DOCK6: variants seen among roughly 807,000 people sequenced by gnomAD.
DOCK6 encodes the protein dedicator of cytokinesis protein 6.
In DOCK6, 167 loss-of-function variants were observed where a neutral mutation model predicts 230.3. That is an observed-to-expected ratio of 0.73 (90% CI 0.64 to 0.82). The LOEUF (loss-of-function observed/expected upper bound fraction) is 0.82, where lower values mean the gene tolerates loss of function less well. Ranked by LOEUF, DOCK6 falls within the 40% of genes least tolerant of loss-of-function variation. DOCK6 has a pLI of 0.00. For synonymous variants in DOCK6, 1,148 were observed against 1,185.0 expected, an observed-to-expected ratio of 0.97 and a Z score of 0.64; for missense variants, 2,598 against 2,825.8, an observed-to-expected ratio of 0.92 and a Z score of 1.83.
intron 7 of DOCK6, among the ~76,000 whole-genome samples, chr19:11,246,793 G>C (rs911800823): frequency 6.6e-6 from 1 of 152,058 alleles, no homozygotes; most frequent in South Asian, 2.1e-4. Context: ...CACCTGAACG[G>C]CCACCATAAA....
At chr19:11,234,001 A>ATT (rs111453191) in intron 21 of DOCK6, among the ~76,000 whole-genome samples, 1 of 144,950 alleles carries the variant, frequency 6.9e-6, no homozygotes, top group African/African-American at 2.5e-5. Flanking sequence ...TGCTCAGCTA[A>ATT]TTTTTTTTTT....
intron 34 of DOCK6, 33 bp from the exon 35 acceptor site, chr19:11,213,361 GC>G: frequency 6.3e-7 from 1 of 1,595,326 alleles, no homozygotes. Flanking sequence ...ACACTGTCCA[GC>G]CCCTCCCCGT....
chr19:11,210,353 T>A (rs1280237016), intron 37 of DOCK6, among the ~76,000 whole-genome samples: 2 of 149,466 alleles, frequency 1.3e-5, no homozygotes, highest in African/African-American at 5.0e-5. Flanking sequence ...TCCTTATCTG[T>A]CCACCTCCTC....
chr19:11,245,881 A>G lies in DOCK6; in HGVS notation c.807-3T>C, dbSNP rs2147859462. The G allele has an allele frequency of 1.3e-6, 2 of 1,559,352 alleles. No individual in the cohort carries two copies. Among genetic ancestry groups the G allele is most frequent in the East Asian group, 4.8e-5 (2 of 41,650 alleles). On this transcript the variant is annotated splice_polypyrimidine_tract_variant and splice_region_variant and intron_variant, in intron 7 of 47. Transcript: ENST00000294618. ...TGGGCTCAATTTCAATCTCGAACCT[A>G]CAAGTAAATGGGAGGGAGGGGGCTC...
rs1599280620 is a variant in DOCK6, at chr19:11,248,215, G to A, written c.721-64C>T. On this transcript the variant is annotated intron_variant, in intron 6 of 47. Transcript: ENST00000294618. ...TGGGACATCCTCCAGGAAGGGTCTG[G>A]AATGCCCAGCCTCAGACCAGCTCTA... 4 of 1,330,696 alleles carry A rather than the reference G, an allele frequency of 3.0e-6. No individual in the cohort carries two copies. In the East Asian group the frequency reaches 9.8e-5, roughly 33 times the overall value. The allele number at this position is 1,330,696 out of a possible 1,614,324, so 82.4% of individuals were successfully genotyped here.
chr19:11,209,886 C>G (rs527633225), intron 37 of DOCK6, among the ~76,000 whole-genome samples: 3 of 97,088 alleles, frequency 3.1e-5, no homozygotes, highest in African/African-American at 1.2e-4. Context: ...CACCTGTCCA[C>G]CCCCTCACCT....
chr19:11,216,882 T>C (rs2079496812), intron 30 of DOCK6, 32 bp downstream of exon 30: 1 of 1,609,310 alleles, frequency 6.2e-7, no homozygotes, highest in African/African-American at 1.3e-5. Flanking sequence ...TTAGCCTGCC[T>C]CCTCCATCAT....
At chr19:11,214,845 A>G (rs1490560419) in intron 32 of DOCK6, among the ~76,000 whole-genome samples, 196 bp from the exon 33 acceptor site, 1 of 150,936 alleles carries the variant, frequency 6.6e-6, no homozygotes, top group African/African-American at 2.4e-5. Context: ...TGTGATCACC[A>G]GCTCACTGCA....
chr19:11,233,837 CTTT>C (rs34494692), intron 21 of DOCK6, among the ~76,000 whole-genome samples: 100 of 144,548 alleles, frequency 6.9e-4, no homozygotes, highest in Non-Finnish European at 1.0e-3. Flanking sequence ...AAGATCCTGA[CTTT>C]TTTTTTTTTT....
intron 32 of DOCK6, among the ~76,000 whole-genome samples, 152 bp downstream of exon 32, chr19:11,215,235 G>A (rs901774173): frequency 2.6e-5 from 4 of 151,936 alleles, no homozygotes; most frequent in African/African-American, 7.3e-5. Context: ...GAGCCACTGC[G>A]CCCGGCCCAT....
chr19:11,200,169 A>C lies in DOCK6; in HGVS notation c.6101+139T>G, dbSNP rs939536121. On this transcript the variant is annotated intron_variant, in intron 47 of 47. Transcript: ENST00000294618. This position sits in a 1 kb window ranked among gnomAD's most constrained non-coding sequence, Gnocchi z 4.3. The stretch of plus-strand genomic sequence containing the variant: ...CTCTCAAAAAAAAAAACAAAAAAAA[A>C]ACCGGAAACAAAACAAAGTCCAAGC... 16 of 939,132 alleles carry C rather than the reference A, an allele frequency of 1.7e-5. No individual in the cohort carries two copies. Among genetic ancestry groups the C allele is most frequent in the Non-Finnish European group, 2.0e-5 (13 of 657,418 alleles). The allele number at this position is 939,132 out of a possible 1,614,324, so 58.2% of individuals were successfully genotyped here. A position where few individuals can be genotyped will look rare whatever the true frequency, so the allele number is the denominator to read the frequency against.
At chr19:11,252,362 CA>C in intron 4 of DOCK6, 114 bp from the exon 5 acceptor site, 1 of 1,580,620 alleles carries the variant, frequency 6.3e-7, no homozygotes, top group Middle Eastern at 1.7e-4. Context: ...TGTGCTCCAC[CA>C]GACAAGTTTG....
Position 11,243,267 on chromosome 19 carries a change from G to T in DOCK6, c.1377C>A (p.Phe459Leu). 6.2e-7 allele frequency: 1 copy of T among 1,611,576 alleles called. No individual in the cohort carries two copies. Among genetic ancestry groups the T allele is most frequent in the Non-Finnish European group, 8.5e-7 (1 of 1,178,944 alleles). ...FRPATLTVTN[F>L]FKQEAERLSD... ...CCCCAGGGTAGGACACCTGCTTAAA[G>T]AAGTTTGTGACAGTTAGCGTGGCTG... The change falls in exon 12 of 48, where the codon TTC becomes TTA. Residue 459 changes from phenylalanine (F) to leucine (L), a missense_variant. Physicochemically the swap from Phe to Leu is conservative, Grantham distance 22 (BLOSUM62 0). Coordinates refer to ENST00000294618, the MANE Select transcript of DOCK6 (RefSeq NM_020812.4). This position sits in a 1 kb window ranked among gnomAD's most constrained non-coding sequence, Gnocchi z 6.3.
intron 39 of DOCK6, chr19:11,206,236 A>G (rs1345642931): frequency 6.6e-6 from 1 of 152,168 alleles, no homozygotes; most frequent in Non-Finnish European, 1.5e-5. Context: ...CAAGCAAACT[A>G]GAGAAGAAAA....
In DOCK6 at chr19:11,237,503, CTG is replaced by C; in HGVS notation, c.2024_2025del (p.Pro675ArgfsTer131). ...GRLRTGPFCL[P>X]VSVDQPPPSY... is the part of the protein sequence containing the mutation. ...CTGGGCGGCGGCTGGTCCACAGACA[CTG>C]GGAGACAGAAGGGGCCGGTCCTCAG... is the stretch of plus-strand genomic sequence containing the variant. On this transcript the variant is annotated frameshift_variant, in exon 18 of 48. Transcript: ENST00000294618. LOFTEE classifies it high-confidence loss of function. 2 of 1,613,040 alleles carry C rather than the reference CTG, an allele frequency of 1.2e-6. No homozygotes were observed. Among genetic ancestry groups the C allele is most frequent in the Non-Finnish European group, 1.7e-6 (2 of 1,179,722 alleles).
intron 24 of DOCK6, among the ~76,000 whole-genome samples, chr19:11,224,953 A>G (rs1210746807): frequency 6.6e-6 from 1 of 152,144 alleles, no homozygotes; most frequent in Admixed American, 6.5e-5. Context: ...AGTCCCAGCT[A>G]CTTGGGAGGC....
intron 22 of DOCK6, among the ~76,000 whole-genome samples, chr19:11,231,230 C>T (rs1225716496): frequency 1.3e-5 from 2 of 152,190 alleles, no homozygotes; most frequent in Admixed American, 6.5e-5. Context: ...TCTGTGCGTA[C>T]AGTCCTCTGA....
In DOCK6 at chr19:11,217,279, G is replaced by A. The variant is rs1364933393; in HGVS notation, c.3663C>T (p.Gly1221=). The A allele has an allele frequency of 1.9e-5, 30 of 1,612,926 alleles. No individual in the cohort carries two copies. Among genetic ancestry groups the A allele is most frequent in the Non-Finnish European group, 2.5e-5 (30 of 1,179,656 alleles). Residue 1221 remains glycine, a synonymous_variant, in exon 29 of 48, where the codon GGC becomes GGT. Transcript: ENST00000294618. ...NPSVAMAIAG[G]PLAPGSRASI... ...TGGCCCGGGAGCCAGGGGCTAGGGG[G>A]CCACCAGCAATGGCCATGGCCACAG...
chr19:11,236,058 T>C lies in DOCK6; in HGVS notation c.2392+288A>G, dbSNP rs1599255544. 1.6e-5 allele frequency: 8 copies of C among 493,984 alleles called. No homozygotes were observed. In the East Asian group the frequency reaches 2.9e-4, roughly 18 times the overall value. 30.6% of individuals were successfully genotyped at this position (493,984 alleles called of 1,614,324 possible). A position where few individuals can be genotyped will look rare whatever the true frequency, so the allele number is the denominator to read the frequency against. On this transcript the variant is annotated intron_variant, in intron 20 of 47. Transcript: ENST00000294618. This position sits in a 1 kb window ranked among gnomAD's most constrained non-coding sequence, Gnocchi z 5.2. ...ACCACGCCCAGCTAATTTTGTATTT[T>C]TAGTAGAGAAGGGGTTTCTCCATGT...
Sources: gnomAD v4.1 joint callset for allele counts (sites outside exome capture counted in the v4.1 genomes callset) on GRCh38, gnomAD v4.1.1 for gene constraint, Gnocchi (gnomAD v3.1) non-coding constraint, MANE v1.5 for transcripts, NCBI Gene and HGNC (gene_info 2026-07-23, HGNC 2026-07-21) for gene names.